Variants in KCND2 observed in about 807,000 individuals in gnomAD.
KCND2 encodes the protein A-type voltage-gated potassium channel KCND2.
Under a neutral mutation model 54.4 loss-of-function variants are expected in KCND2, and 16 were observed. The observed-to-expected ratio is 0.29, with a 90% confidence interval of 0.20 to 0.45. The LOEUF (loss-of-function observed/expected upper bound fraction) is 0.45. Ranked by LOEUF, KCND2 falls within the 20% of genes least tolerant of loss-of-function variation. The pLI, the probability that KCND2 is intolerant of heterozygous loss-of-function variation, is 1.00. For synonymous variants in KCND2, 317 were observed against 310.7 expected, an observed-to-expected ratio of 1.02 and a Z score of -0.21; for missense variants, 486 against 824.2, an observed-to-expected ratio of 0.59 and a Z score of 5.02.
rs1483842696 is a variant in KCND2, at chr7:120,460,916, C to A, written c.1115+185169C>A. Among the ~76,000 whole-genome samples the A allele has an allele frequency of 3.9e-5, 6 of 152,248 alleles. No individual in the cohort carries two copies. In the South Asian group the frequency reaches 6.2e-4, roughly 16 times the overall value. ...TATAGACCATTAGAATAAATTAATA[C>A]CTTCCCAGATAGTTAAGGGAGACTT... On this transcript the variant is annotated intron_variant, in intron 1 of 5. Transcript: ENST00000331113.
intron 1 of KCND2, among the ~76,000 whole-genome samples, chr7:120,549,314 G>C (rs1792079108): frequency 6.6e-6 from 1 of 152,126 alleles, no homozygotes. Flanking sequence ...CTACAGATCA[G>C]TCACAAGGAT....
At chr7:120,622,697 T>A (rs1484888750) in intron 1 of KCND2, among the ~76,000 whole-genome samples, 99 of 125,488 alleles carry the variant, frequency 7.9e-4, no homozygotes, top group African/African-American at 3.0e-3. Context: ...ACACTCTCTC[T>A]CTCTCTCTCT....
chr7:120,473,195 A>T (rs1802485614), intron 1 of KCND2, among the ~76,000 whole-genome samples: 1 of 152,190 alleles, frequency 6.6e-6, no homozygotes, highest in African/African-American at 2.4e-5. Context: ...GGAGCTTGTG[A>T]TTGTGCTGGT....
intron 1 of KCND2, among the ~76,000 whole-genome samples, chr7:120,608,961 A>G (rs1792917382): frequency 6.6e-6 from 1 of 152,146 alleles, no homozygotes; most frequent in African/African-American, 2.4e-5. Context: ...CTATGGAGTC[A>G]GGTTTATGTG....
chr7:120,621,276 C>CAAAAAAAAAAAAA (rs1175736454), intron 1 of KCND2, among the ~76,000 whole-genome samples: 48 of 47,202 alleles, frequency 1.0e-3, no homozygotes, highest in African/African-American at 3.2e-3. Flanking sequence ...GACTCCGTCT[C>CAAAAAAAAAAAAA]AAAAAAAAAA....
intron 1 of KCND2, among the ~76,000 whole-genome samples, chr7:120,595,887 A>G (rs1263175189): frequency 2.6e-5 from 4 of 151,502 alleles, no homozygotes; most frequent in African/African-American, 4.9e-5. Flanking sequence ...AGGAAAGCGG[A>G]AAGGAGGGAG....
intron 1 of KCND2, among the ~76,000 whole-genome samples, chr7:120,685,980 A>T (rs1562909206): frequency 3.3e-5 from 5 of 152,122 alleles, no homozygotes; most frequent in Admixed American, 2.6e-4. Context: ...GTGACTGAAG[A>T]TCCTCCCCAC....
rs58541636 is a variant in KCND2, at chr7:120,732,251, A to C, written c.1116-652A>C. On this transcript the variant is annotated intron_variant, in intron 1 of 5. Transcript: ENST00000331113. Reference sequence around the variant, plus strand: ...AAGGAGGCAGAAAAAAAGATGGAGAAGTGGTAGCCAATGAGATAGGAGGGA... The same window carrying C: ...AAGGAGGCAGAAAAAAAGATGGAGACGTGGTAGCCAATGAGATAGGAGGGA... Among the ~76,000 whole-genome samples the C allele has an allele frequency of 1.5e-3, 223 of 152,290 alleles. 1 individual carries two copies. In the East Asian group the frequency reaches 0.016, roughly 11 times the overall value.
chr7:120,586,462 T>G (rs1792601928), intron 1 of KCND2, among the ~76,000 whole-genome samples: 1 of 152,146 alleles, frequency 6.6e-6, no homozygotes, highest in South Asian at 2.1e-4. Flanking sequence ...AGGTTAACAT[T>G]ATTATCAAAA....
In KCND2 at chr7:120,556,955, G is replaced by A. The variant is rs1792173476; in HGVS notation, c.1116-175948G>A. Among the ~76,000 whole-genome samples, 5 of 152,106 alleles carry A rather than the reference G, an allele frequency of 3.3e-5. No individual in the cohort carries two copies. The South Asian group carries it at 1.0e-3, about 32-fold the overall frequency. On this transcript the variant is annotated intron_variant, in intron 1 of 5. Transcript: ENST00000331113. ...ACTAATGTTTCACAAATGTTATAGTGCATATTGATAAACCAACAATGTGAA... is the reference window on the plus strand; with the variant it reads ...ACTAATGTTTCACAAATGTTATAGTACATATTGATAAACCAACAATGTGAA...
chr7:120,323,093 T>C (rs1799916472), intron 1 of KCND2, among the ~76,000 whole-genome samples: 1 of 152,000 alleles, frequency 6.6e-6, no homozygotes, highest in Non-Finnish European at 1.5e-5. Context: ...ACCCATCATC[T>C]AGGTTTCAAG....
At chr7:120,573,176 C>T (rs1269737787) in intron 1 of KCND2, among the ~76,000 whole-genome samples, 1 of 152,142 alleles carries the variant, frequency 6.6e-6, no homozygotes, top group Non-Finnish European at 1.5e-5. Context: ...TTTTCATCTT[C>T]CATAGCAGTT....
chr7:120,701,347 C>G (rs1490878787), intron 1 of KCND2, among the ~76,000 whole-genome samples: 1 of 148,304 alleles, frequency 6.7e-6, no homozygotes, highest in Non-Finnish European at 1.5e-5. Flanking sequence ...CAATTTCCAC[C>G]ATATTTAAAG....
intron 1 of KCND2, among the ~76,000 whole-genome samples, chr7:120,359,737 A>G (rs1293496288): frequency 6.6e-6 from 1 of 152,066 alleles, no homozygotes; most frequent in African/African-American, 2.4e-5. Context: ...TTCATTTTGA[A>G]TTGTAATCCC....
At chr7:120,469,646 T>TA (rs1390666655) in intron 1 of KCND2, among the ~76,000 whole-genome samples, 1 of 152,132 alleles carries the variant, frequency 6.6e-6, no homozygotes, top group African/African-American at 2.4e-5. Flanking sequence ...TTTAGTGGGA[T>TA]ATGACAGAGT....
intron 1 of KCND2, among the ~76,000 whole-genome samples, chr7:120,472,006 G>C (rs1427281767): frequency 6.6e-6 from 1 of 151,490 alleles, no homozygotes; most frequent in Non-Finnish European, 1.5e-5. Flanking sequence ...AACTCTTACT[G>C]TTATTATCTC....
At chr7:120,742,059 A>C (rs1441564884) in intron 3 of KCND2, among the ~76,000 whole-genome samples, 1 of 152,182 alleles carries the variant, frequency 6.6e-6, no homozygotes, top group Non-Finnish European at 1.5e-5. Context: ...AGTGTTAGGA[A>C]GATCATATGG....
intron 1 of KCND2, among the ~76,000 whole-genome samples, chr7:120,320,942 T>C (rs1156533891): frequency 6.6e-6 from 1 of 152,154 alleles, no homozygotes; most frequent in African/African-American, 2.4e-5. Flanking sequence ...AGGAAATAGC[T>C]TATGAATGAG....
intron 1 of KCND2, among the ~76,000 whole-genome samples, chr7:120,381,222 T>C (rs1800912027): frequency 6.6e-6 from 1 of 152,042 alleles, no homozygotes; most frequent in Non-Finnish European, 1.5e-5. Flanking sequence ...GCCACTGTAC[T>C]CCAGCCTGGA....
Sources: allele counts gnomAD v4.1 joint callset (sites outside exome capture counted in the v4.1 genomes callset), GRCh38; gene constraint gnomAD v4.1.1; transcripts MANE v1.5; gene names NCBI Gene and HGNC (gene_info 2026-07-23, HGNC 2026-07-21).